The following ANKS1B variants were observed in gnomAD, a reference collection of about 807,000 sequenced individuals.
The protein encoded by ANKS1B is ankyrin repeat and sterile alpha motif domain-containing protein 1B.
ANKS1B carries 36 observed loss-of-function variants against 148.3 expected under a neutral mutation model. The ratio of observed to expected loss-of-function variants is 0.24; its 90% CI spans 0.19 to 0.32. The LOEUF (loss-of-function observed/expected upper bound fraction) is 0.32, where lower values mean the gene tolerates loss of function less well. Ranked by LOEUF, ANKS1B falls within the 10% of genes least tolerant of loss-of-function variation. The pLI, the probability that ANKS1B is intolerant of heterozygous loss-of-function variation, is 1.00. For missense variants in ANKS1B, 1,157 were observed against 1,542.6 expected (o/e 0.75, Z 4.19); for synonymous variants, 542 against 560.8 (o/e 0.97, Z 0.47).
At chr12:99,386,302 G>C (rs947489212) in intron 12 of ANKS1B, 1 of 152,138 alleles carries the variant, frequency 6.6e-6, no homozygotes, top group African/African-American at 2.4e-5. Context: ...TTGTGTGAAC[G>C]CATTGTTAGA....
rs576338025 is a variant in ANKS1B at position 99,851,278 on chromosome 12, A to C, written c.135-25889T>G. On this transcript the variant is annotated intron_variant, in intron 1 of 26. Transcript: ENST00000683438. ...CCAGAACATGTTCAGAGAATTATTA[A>C]CATTTTTATTCAGAAGTTTAGATGC... Among the ~76,000 whole-genome samples the C allele has an allele frequency of 4.6e-5, 7 of 152,246 alleles. No individual in the cohort carries two copies. The South Asian group carries it at 1.5e-3, about 32-fold the overall frequency.
intron 12 of ANKS1B, among the ~76,000 whole-genome samples, chr12:99,249,158 A>G (rs193120840): frequency 6.6e-5 from 10 of 152,306 alleles, no homozygotes; most frequent in Non-Finnish European, 1.5e-5. Context: ...AAGTTTTAGA[A>G]TTTCATTTTG....
chr12:99,248,272 C>G (rs1368441692), intron 12 of ANKS1B, among the ~76,000 whole-genome samples: 1 of 152,168 alleles, frequency 6.6e-6, no homozygotes, highest in African/African-American at 2.4e-5. Context: ...CTGCTCTCCG[C>G]CTGGGAACTG....
At chr12:99,848,904 C>T (rs1413976035) in intron 1 of ANKS1B, among the ~76,000 whole-genome samples, 1 of 152,060 alleles carries the variant, frequency 6.6e-6, no homozygotes, top group African/African-American at 2.4e-5. Context: ...AATTTGGATG[C>T]AGCTGGAAGC....
At chr12:98,772,879 TG>T in intron 25 of ANKS1B, 162 bp downstream of exon 25, 1 of 701,274 alleles carries the variant, frequency 1.4e-6, no homozygotes, top group Non-Finnish European at 2.3e-6. Flanking sequence ...TCTCGGTCTG[TG>T]GTACTTTGTT....
At position 99,984,374 on chromosome 12, in the gene ANKS1B, G is replaced by C; in HGVS notation, c.-137C>G. The stretch of plus-strand genomic sequence containing the variant: ...AGAGCTTCAGCACGGAGAGCTCCCT[G>C]CAGCCCCAGGCAGGGAGCACGACTC... On this transcript the variant is annotated 5_prime_UTR_variant, in exon 1 of 27. Coordinates refer to ENST00000683438, the MANE Select transcript of ANKS1B (RefSeq NM_001352186.2). 1.1e-5 allele frequency: 5 copies of C among 446,164 alleles called. No homozygotes were observed. Among genetic ancestry groups the C allele is most frequent in the East Asian group, 5.6e-5 (1 of 17,764 alleles). The allele number at this position is 446,164 out of a possible 1,614,324, so 27.6% of individuals were successfully genotyped here.
chr12:99,282,529 G>A (rs2078610670), intron 12 of ANKS1B, among the ~76,000 whole-genome samples: 1 of 152,138 alleles, frequency 6.6e-6, no homozygotes, highest in African/African-American at 2.4e-5. Context: ...GAAGGTCGAA[G>A]CAGGCCAATT....
intron 9 of ANKS1B, among the ~76,000 whole-genome samples, chr12:99,587,253 TGGTGGAAG>T (rs1470078796): frequency 6.6e-6 from 1 of 152,102 alleles, no homozygotes; most frequent in Non-Finnish European, 1.5e-5. Flanking sequence ...GACACTGAGG[TGGTGGAAG>T]AGTGGAAGTC....
intron 4 of ANKS1B, among the ~76,000 whole-genome samples, chr12:99,785,207 T>C (rs546737606): frequency 6.6e-6 from 1 of 151,918 alleles, no homozygotes; most frequent in East Asian, 1.9e-4. Flanking sequence ...CTTTTTTTTT[T>C]TTTTCATTCT....
intron 4 of ANKS1B, among the ~76,000 whole-genome samples, chr12:99,784,470 C>T (rs1011556766): frequency 6.6e-6 from 1 of 152,174 alleles, no homozygotes; most frequent in Non-Finnish European, 1.5e-5. Flanking sequence ...CCGCGCCTGG[C>T]CCCTGAACAC....
intron 10 of ANKS1B, among the ~76,000 whole-genome samples, chr12:99,475,780 T>C (rs983727390): frequency 4.6e-5 from 7 of 151,912 alleles, no homozygotes; most frequent in African/African-American, 1.7e-4. Context: ...TAATCAGTCA[T>C]ATAAAAAATG....
chr12:99,713,752 T>C (rs2056938474), intron 8 of ANKS1B, among the ~76,000 whole-genome samples: 1 of 152,212 alleles, frequency 6.6e-6, no homozygotes, highest in Admixed American at 6.5e-5. Flanking sequence ...TCTGAGCCCT[T>C]ACTAGCAGAG....
rs3051086 is a variant in ANKS1B, at chr12:98,945,505, C to CAAAAAAAAAA, written c.2778+107642_2778+107651dup. Among the ~76,000 whole-genome samples the CAAAAAAAAAA allele has an allele frequency of 7.1e-3, 216 of 30,242 alleles. 6 individuals are homozygous for CAAAAAAAAAA. Among genetic ancestry groups the CAAAAAAAAAA allele is most frequent in the African/African-American group, 0.014 (133 of 9,188 alleles). 19.8% of individuals were successfully genotyped at this position (30,242 alleles called of 152,430 possible). On this transcript the variant is annotated intron_variant, in intron 17 of 26. Transcript: ENST00000683438. ...GCCAGACCCTGTCTCAACAAACAAA[C>CAAAAAAAAAA]AAAAAAAAAAAAAAAAAAAAAAAAA... is the stretch of plus-strand genomic sequence containing the variant.
chr12:99,087,175 G>A (rs947521462), intron 15 of ANKS1B, among the ~76,000 whole-genome samples: 18 of 152,304 alleles, frequency 1.2e-4, no homozygotes, highest in East Asian at 1.9e-4. Flanking sequence ...CTGGTGGGGC[G>A]CAAAGTGAGA....
At chr12:99,708,540 T>A (rs1462100483) in intron 8 of ANKS1B, among the ~76,000 whole-genome samples, 1 of 152,160 alleles carries the variant, frequency 6.6e-6, no homozygotes, top group Non-Finnish European at 1.5e-5. Context: ...AATAATCTGT[T>A]TCTTGACTCT....
intron 17 of ANKS1B, among the ~76,000 whole-genome samples, chr12:98,946,305 CTT>C (rs1203889813): frequency 3.9e-5 from 6 of 152,188 alleles, no homozygotes; most frequent in Non-Finnish European, 7.3e-5. Flanking sequence ...GGTGGAGCTC[CTT>C]CCCTATCCCT....
At chr12:99,937,211 C>T (rs749181187) in intron 1 of ANKS1B, among the ~76,000 whole-genome samples, 4 of 152,132 alleles carry the variant, frequency 2.6e-5, no homozygotes, top group Admixed American at 6.5e-5. Context: ...GTGTCACCAC[C>T]TCATTGACAG....
chr12:98,847,290 A>C (rs1264497089), intron 17 of ANKS1B, among the ~76,000 whole-genome samples: 2 of 152,196 alleles, frequency 1.3e-5, no homozygotes, highest in Non-Finnish European at 2.9e-5. Flanking sequence ...GCCCCTGGTA[A>C]CCACCATTCT....
intron 12 of ANKS1B, among the ~76,000 whole-genome samples, chr12:99,389,303 C>T (rs1250175009): frequency 6.6e-6 from 1 of 152,204 alleles, no homozygotes; most frequent in Non-Finnish European, 1.5e-5. Context: ...ACCCACCCAA[C>T]ATAGACAAGT....
Sources: gnomAD v4.1 joint callset for allele counts (sites outside exome capture counted in the v4.1 genomes callset) on GRCh38, gnomAD v4.1.1 for gene constraint, MANE v1.5 for transcripts, NCBI Gene and HGNC (gene_info 2026-07-23, HGNC 2026-07-21) for gene names.